PRSS55: variants seen among roughly 807,000 people sequenced by gnomAD.
PRSS55 encodes the protein serine protease 55.
Under a neutral mutation model 23.6 loss-of-function variants are expected in PRSS55, and 41 were observed. The observed-to-expected ratio is 1.74, with a 90% CI of 1.35 to 2.26. The LOEUF is 2.26. Among genes scored for constraint, PRSS55 ranks in the 30% most tolerant of loss-of-function variants. The pLI, the probability that PRSS55 is intolerant of heterozygous loss-of-function variation, is 0.00. For synonymous variants in PRSS55, 262 were observed against 175.5 expected (o/e 1.49, Z -3.90); for missense variants, 669 against 439.1 (o/e 1.52, Z -4.68).
chr8:10,549,393 G>T (rs1274141204), intron 4 of PRSS55, among the ~76,000 whole-genome samples: 1 of 152,226 alleles, frequency 6.6e-6, no homozygotes, highest in African/African-American at 2.4e-5. Context: ...TAGGAGGGGT[G>T]GCCTGTAGGG....
At chr8:10,547,478 G>A (rs1812847221) in intron 4 of PRSS55, 1 of 152,560 alleles carries the variant, frequency 6.6e-6, no homozygotes, top group Non-Finnish European at 1.5e-5. Context: ...TCTGAACCCT[G>A]GAATGTGCGA....
At chr8:10,554,040 C>G (rs772658235) in exon 5 of PRSS55, 53 of 1,517,862 alleles carry the variant, frequency 3.5e-5, no homozygotes, top group Admixed American at 8.1e-5. Flanking sequence ...TGATGCTTTG[C>G]TCTTTCTTCT....
chr8:10,549,184 C>T (rs986736171), intron 4 of PRSS55, among the ~76,000 whole-genome samples: 1 of 152,098 alleles, frequency 6.6e-6, no homozygotes, highest in African/African-American at 2.4e-5. Flanking sequence ...AGGATGGAGG[C>T]GGGGGCAGAT....
downstream of PRSS55, among the ~76,000 whole-genome samples, chr8:10,543,295 G>T (rs1296370833): frequency 6.6e-6 from 1 of 152,108 alleles, no homozygotes; most frequent in African/African-American, 2.4e-5. Context: ...GGCCCCATGC[G>T]GAAGTGACTG....
downstream of PRSS55, among the ~76,000 whole-genome samples, chr8:10,543,482 T>TTC (rs1812728119): frequency 4.5e-5 from 1 of 22,164 alleles, no homozygotes; most frequent in African/African-American, 7.5e-5. Flanking sequence ...CTTTCTCTCT[T>TTC]TTTTTTTTTT....
intron 4 of PRSS55, among the ~76,000 whole-genome samples, chr8:10,551,064 T>A (rs1272384062): frequency 6.6e-6 from 1 of 152,206 alleles, no homozygotes; most frequent in Non-Finnish European, 1.5e-5. Flanking sequence ...CATAGCATAC[T>A]CAGAAGGTCC....
chr8:10,537,090 T>C (rs1425582970), intron 4 of PRSS55, among the ~76,000 whole-genome samples: 1 of 152,082 alleles, frequency 6.6e-6, no homozygotes, highest in African/African-American at 2.4e-5. Flanking sequence ...AAATTAAAAA[T>C]AGAACTACCA....
chr8:10,534,636 C>T (rs971255888), intron 4 of PRSS55, among the ~76,000 whole-genome samples: 8 of 152,294 alleles, frequency 5.3e-5, no homozygotes, highest in African/African-American at 1.9e-4. Context: ...AGCTGGAAGC[C>T]TCCCTCTCAG....
intron 4 of PRSS55, 119 bp from the exon 5 acceptor site, chr8:10,538,357 G>T (rs1563543232): frequency 2.7e-6 from 2 of 746,252 alleles, no homozygotes; most frequent in East Asian, 5.2e-5. Flanking sequence ...AGCAGGGATG[G>T]GGTGGGTTGG....
At chr8:10,541,623 C>G (rs1812658773), downstream of PRSS55, 1 of 151,678 alleles carries the variant, frequency 6.6e-6, no homozygotes, top group African/African-American at 2.4e-5. Context: ...TCATCTATAT[C>G]TCATCTCTGT....
chr8:10,543,391 ATTTC>A (rs1480568112), downstream of PRSS55, among the ~76,000 whole-genome samples: 13 of 139,092 alleles, frequency 9.3e-5, no homozygotes, highest in East Asian at 2.5e-3. Flanking sequence ...TGAACAACAG[ATTTC>A]TTTTTCTTTC....
At chr8:10,538,907 G>A, downstream of PRSS55, 2 of 1,059,032 alleles carry the variant, frequency 1.9e-6, no homozygotes, top group Non-Finnish European at 2.7e-6. Flanking sequence ...CTGGGACCAG[G>A]AGGACCAGAG....
chr8:10,541,291 T>G (rs949636815), downstream of PRSS55: 6 of 152,288 alleles, frequency 3.9e-5, no homozygotes, highest in African/African-American at 1.4e-4. Context: ...ATGTTTAAAT[T>G]GGTAAACTGT....
At position 10,538,474 on chromosome 8, in the gene PRSS55, A is replaced by G; in HGVS notation, c.742-2A>G. ...CTGCTGAGCTGTGTTCTCTGCCCACAGGGTGACAGTGGGGGGCCTCTGGTC... is the reference window on the plus strand; with the variant it reads ...CTGCTGAGCTGTGTTCTCTGCCCACGGGGTGACAGTGGGGGGCCTCTGGTC... On this transcript the variant is annotated splice_acceptor_variant, in intron 4 of 4. Coordinates refer to ENST00000328655, the MANE Select transcript of PRSS55 (RefSeq NM_198464.4). LOFTEE classifies it high-confidence loss of function. 1 of 1,608,816 alleles carries G rather than the reference A, an allele frequency of 6.2e-7. No homozygotes were observed. The highest frequency in any genetic ancestry group is 8.5e-7 in the Non-Finnish European group (1 of 1,176,646).
At chr8:10,537,947 C>A (rs1387786698) in intron 4 of PRSS55, among the ~76,000 whole-genome samples, 1 of 152,044 alleles carries the variant, frequency 6.6e-6, no homozygotes, top group African/African-American at 2.4e-5. Context: ...GATAACTATG[C>A]GAGTCACAGA....
intron 2 of PRSS55, 95 bp downstream of exon 2, chr8:10,529,794 C>G (rs889346363): frequency 5.9e-5 from 73 of 1,227,454 alleles, no homozygotes; most frequent in Non-Finnish European, 7.7e-5. Flanking sequence ...GAGGAACCTG[C>G]GACTGCTCGG....
In PRSS55 at chr8:10,543,842, TTC is replaced by T. The variant is rs1230633314; in HGVS notation, c.742-10099_742-10098del. On this transcript the variant is annotated intron_variant, in intron 4 of 4. Coordinates refer to the PRSS55 transcript ENST00000522210. ...AATTTTCATATATTTGCAATTATTC[TTC>T]TGTTATTTATTTCTAATTTAATTCC... 9.9e-5 allele frequency among the ~76,000 whole-genome samples: 15 copies of T among 152,276 alleles called. No homozygotes were observed. The East Asian group carries it at 2.3e-3, about 23-fold the overall frequency.
intron 4 of PRSS55, among the ~76,000 whole-genome samples, chr8:10,537,948 G>A (rs995947781): frequency 5.9e-5 from 9 of 152,238 alleles, no homozygotes; most frequent in East Asian, 3.9e-4. Flanking sequence ...ATAACTATGC[G>A]AGTCACAGAC....
At chr8:10,550,675 G>A (rs1812932533) in intron 4 of PRSS55, among the ~76,000 whole-genome samples, 1 of 152,146 alleles carries the variant, frequency 6.6e-6, no homozygotes, top group African/African-American at 2.4e-5. Flanking sequence ...CCGAGACAAT[G>A]CTTGATGATA....
Sources: gnomAD v4.1 joint callset for allele counts (sites outside exome capture counted in the v4.1 genomes callset) on GRCh38, gnomAD v4.1.1 for gene constraint, MANE v1.5 for transcripts, NCBI Gene and HGNC (gene_info 2026-07-23, HGNC 2026-07-21) for gene names.